The following ASCC3 variants were observed in gnomAD, a reference collection of about 807,000 sequenced individuals.
The protein encoded by ASCC3 is activating signal cointegrator 1 complex subunit 3, also known as ASC-1 complex subunit P200.
ASCC3 carries 158 observed loss-of-function variants against 256.3 expected under a neutral mutation model. That is an observed-to-expected ratio of 0.62 (90% CI 0.54 to 0.70). ASCC3 has a LOEUF of 0.70. Ranked by LOEUF, ASCC3 falls within the 30% of genes least tolerant of loss-of-function variation. ASCC3 has a pLI of 0.00. For synonymous variants in ASCC3, 948 were observed against 883.4 expected (o/e 1.07, Z -1.30); for missense variants, 2,259 against 2,626.0 (o/e 0.86, Z 3.05).
intron 30 of ASCC3, among the ~76,000 whole-genome samples, chr6:100,608,097 C>CATATATATGTATATATATCGATATAT (rs1391815541): frequency 4.4e-5 from 2 of 45,026 alleles, no homozygotes; most frequent in Admixed American, 6.6e-4. Flanking sequence ...TATCTATATA[C>CATATATATGTATATATATCGATATAT]ACATATATAT....
In ASCC3 at chr6:100,509,319, A is replaced by C; in HGVS notation, c.*67T>G. The C allele has an allele frequency of 6.3e-7, 1 of 1,592,296 alleles. No homozygotes were observed. The highest frequency in any genetic ancestry group is 1.1e-5 in the South Asian group (1 of 90,494). ...TTCAAGGCAAACATCAAGTAATTCG[A>C]TTTGTCTAGATGACTGAACAGAGAG... is the stretch of plus-strand genomic sequence containing the variant. On this transcript the variant is annotated 3_prime_UTR_variant, in exon 42 of 42. Transcript: ENST00000369162.
intron 4 of ASCC3, among the ~76,000 whole-genome samples, chr6:100,843,594 T>C (rs1355290344): frequency 6.6e-6 from 1 of 152,152 alleles, no homozygotes; most frequent in East Asian, 1.9e-4. Flanking sequence ...ACATCTCCAA[T>C]ATGCTAGCCT....
At position 100,666,559 on chromosome 6, in the gene ASCC3, A is replaced by G. The variant is rs565240122; in HGVS notation, c.2287-4023T>C. Among the ~76,000 whole-genome samples the G allele has an allele frequency of 2.0e-5, 3 of 152,296 alleles. No homozygotes were observed. In the South Asian group the frequency reaches 6.2e-4, roughly 32 times the overall value. On this transcript the variant is annotated intron_variant, in intron 14 of 41. Transcript: ENST00000369162. ...GGTAGTATCTTACCATGGTTTTAAC[A>G]TAAGTTTCCTTAACAGTTAATGATG...
chr6:100,854,307 TAAGTA>T (rs1582966681), intron 3 of ASCC3, among the ~76,000 whole-genome samples: 1 of 152,136 alleles, frequency 6.6e-6, no homozygotes, highest in Non-Finnish European at 1.5e-5. Context: ...TAAAATTGCC[TAAGTA>T]ATGTAATTTA....
chr6:100,751,703 C>T (rs10872634), intron 10 of ASCC3, among the ~76,000 whole-genome samples: 63,507 of 151,880 alleles, frequency 0.42, 13,855 homozygotes, highest in South Asian at 0.6. Context: ...TTACTGCTAA[C>T]GCCAAGTTGC....
chr6:100,866,420 T>C (rs1032896083), intron 2 of ASCC3, among the ~76,000 whole-genome samples: 7 of 152,222 alleles, frequency 4.6e-5, no homozygotes, highest in East Asian at 1.9e-4. Context: ...AATTTAAAGA[T>C]TACAAGTTCA....
chr6:100,712,017 T>A (rs1348850562), intron 13 of ASCC3, among the ~76,000 whole-genome samples: 1 of 151,612 alleles, frequency 6.6e-6, no homozygotes, highest in Non-Finnish European at 1.5e-5. Flanking sequence ...GAACAAGGAG[T>A]GAATATAGTC....
At chr6:100,754,443 C>A (rs940704849) in intron 10 of ASCC3, among the ~76,000 whole-genome samples, 1 of 152,046 alleles carries the variant, frequency 6.6e-6, no homozygotes, top group Non-Finnish European at 1.5e-5. Context: ...ATGGGTTATC[C>A]ATCCCCTCAA....
At chr6:100,548,653 TGA>T (rs1479867596) in intron 36 of ASCC3, among the ~76,000 whole-genome samples, 2 of 151,808 alleles carry the variant, frequency 1.3e-5, no homozygotes, top group East Asian at 1.9e-4. Flanking sequence ...CATGGAAACA[TGA>T]GAGAGTTTTG....
intron 37 of ASCC3, among the ~76,000 whole-genome samples, chr6:100,532,736 A>G (rs947509921): frequency 2.0e-5 from 3 of 152,104 alleles, no homozygotes; most frequent in Non-Finnish European, 4.4e-5. Context: ...TTTCATTTAC[A>G]TGATTTTGAA....
chr6:100,635,641 G>A (rs995699545), intron 25 of ASCC3, among the ~76,000 whole-genome samples: 2 of 152,066 alleles, frequency 1.3e-5, no homozygotes, highest in African/African-American at 4.8e-5. Flanking sequence ...TAATTAGCTT[G>A]ACTGTAGTAA....
intron 37 of ASCC3, among the ~76,000 whole-genome samples, chr6:100,522,021 G>A (rs2114623163): frequency 6.6e-6 from 1 of 152,250 alleles, no homozygotes; most frequent in Non-Finnish European, 1.5e-5. Context: ...CTAATACTCA[G>A]TGATCTAAAC....
intron 20 of ASCC3, among the ~76,000 whole-genome samples, chr6:100,649,685 T>C (rs1775559336): frequency 6.6e-6 from 1 of 151,612 alleles, no homozygotes; most frequent in Non-Finnish European, 1.5e-5. Context: ...AGTCTTTCTT[T>C]GAACAAAATT....
chr6:100,527,121 T>A (rs986982141), intron 37 of ASCC3, among the ~76,000 whole-genome samples: 5 of 152,156 alleles, frequency 3.3e-5, no homozygotes, highest in African/African-American at 1.2e-4. Context: ...GTCGGTGTTG[T>A]TATAGTTGAT....
intron 27 of ASCC3, 76 bp from the exon 28 acceptor site, chr6:100,628,063 A>ACAAACTCTTC: frequency 7.3e-7 from 1 of 1,369,758 alleles, no homozygotes; most frequent in Non-Finnish European, 1.0e-6. Context: ...CAAAAGGAAG[A>ACAAACTCTTC]GTTTGTAGCT....
intron 14 of ASCC3, 24 bp from the exon 15 acceptor site, chr6:100,662,560 G>C: frequency 6.2e-7 from 1 of 1,606,626 alleles, no homozygotes; most frequent in Non-Finnish European, 8.5e-7. Context: ...AAGCGTAAGA[G>C]TATTATTTAG....
chr6:100,579,368 T>C (rs918790883), intron 36 of ASCC3, among the ~76,000 whole-genome samples: 2 of 152,152 alleles, frequency 1.3e-5, no homozygotes, highest in South Asian at 2.1e-4. Flanking sequence ...TTGTCAACTT[T>C]TGTTTTTGTT....
At chr6:100,590,191 A>T in intron 34 of ASCC3, 132 bp from the exon 35 acceptor site, 1 of 689,876 alleles carries the variant, frequency 1.4e-6, no homozygotes, top group Non-Finnish European at 2.5e-6. Context: ...ACATCACAAA[A>T]CTCACAGAAA....
chr6:100,828,456 G>A (rs561951144), intron 4 of ASCC3, among the ~76,000 whole-genome samples: 1 of 152,260 alleles, frequency 6.6e-6, no homozygotes, highest in East Asian at 1.9e-4. Context: ...TCCGGAATTG[G>A]TGGGTTCTTG....
Sources: allele counts gnomAD v4.1 joint callset (sites outside exome capture counted in the v4.1 genomes callset), GRCh38; gene constraint gnomAD v4.1.1; transcripts MANE v1.5; gene names NCBI Gene and HGNC (gene_info 2026-07-23, HGNC 2026-07-21).